The following MGRN1 variants were observed in gnomAD, a reference collection of about 807,000 sequenced individuals.
The protein encoded by MGRN1 is E3 ubiquitin-protein ligase MGRN1.
A neutral mutation model predicts 69.2 loss-of-function variants in MGRN1; 29 were observed. That is an observed-to-expected ratio of 0.42 (90% CI 0.31 to 0.57). The LOEUF is 0.57. Ranked by LOEUF, MGRN1 falls within the 20% of genes least tolerant of loss-of-function variation. MGRN1 has a pLI of 0.15. For synonymous variants in MGRN1, 470 were observed against 344.2 expected (o/e 1.37, Z -4.04); for missense variants, 998 against 796.2 (o/e 1.25, Z -3.05).
chr16:4,689,130 C>T lies in MGRN1; in HGVS notation c.*222C>T. ...TTTGTAACTGGTACAAGATGAAGGA[C>T]AGCAGCTTTCCATCCCTAGTTCAGA... is the stretch of plus-strand genomic sequence containing the variant. On this transcript the variant is annotated 3_prime_UTR_variant, in exon 17 of 17. Transcript: ENST00000262370. The T allele has an allele frequency of 1.7e-6, 1 of 584,110 alleles. No individual in the cohort carries two copies. Among genetic ancestry groups the T allele is most frequent in the Non-Finnish European group, 2.7e-6 (1 of 367,764 alleles). 36.2% of individuals were successfully genotyped at this position (584,110 alleles called of 1,614,324 possible).
At chr16:4,670,697 G>A (rs2078919574) in intron 8 of MGRN1, among the ~76,000 whole-genome samples, 1 of 152,206 alleles carries the variant, frequency 6.6e-6, no homozygotes, top group Non-Finnish European at 1.5e-5. Context: ...TATTTAAAAT[G>A]TAAATCACAA....
At chr16:4,660,153 A>C (rs989457847) in intron 5 of MGRN1, among the ~76,000 whole-genome samples, 6 of 152,240 alleles carry the variant, frequency 3.9e-5, no homozygotes, top group Non-Finnish European at 5.9e-5. Context: ...GGCCTTGCCC[A>C]GGAGCAGAGA....
Position 4,624,930 on chromosome 16 carries a change from C to T in MGRN1, c.-31C>T. 1 of 1,509,338 alleles carries T rather than the reference C, an allele frequency of 6.6e-7. No homozygotes were observed. Among genetic ancestry groups the T allele is most frequent in the South Asian group, 1.2e-5 (1 of 80,688 alleles). 93.5% of individuals were successfully genotyped at this position (1,509,338 alleles called of 1,614,324 possible). ...CGCTGTCGCCGCTCCCGTTCCGGCC[C>T]TGGCCCCTCTGCCCGGCAGCGCCGC... is the stretch of plus-strand genomic sequence containing the variant. On this transcript the variant is annotated 5_prime_UTR_variant, in exon 1 of 17. Coordinates refer to ENST00000262370, the MANE Select transcript of MGRN1 (RefSeq NM_015246.4).
chr16:4,638,085 C>T (rs2141840854), intron 1 of MGRN1, among the ~76,000 whole-genome samples: 1 of 152,332 alleles, frequency 6.6e-6, no homozygotes, highest in African/African-American at 2.4e-5. Flanking sequence ...AGTGTGTTCA[C>T]ACCTGCCGGA....
intron 5 of MGRN1, chr16:4,664,207 C>T (rs1264103619): frequency 1.1e-5 from 2 of 174,522 alleles, no homozygotes; most frequent in Non-Finnish European, 1.2e-5. Flanking sequence ...AAAAGGAAAG[C>T]AGCACCGATG....
intron 5 of MGRN1, among the ~76,000 whole-genome samples, chr16:4,663,838 C>T (rs969631852): frequency 6.6e-6 from 1 of 152,164 alleles, no homozygotes; most frequent in Non-Finnish European, 1.5e-5. Flanking sequence ...CCCTGGGGGC[C>T]GTGGGGAAGA....
chr16:4,657,738 C>CTT (rs1157518931), intron 5 of MGRN1, among the ~76,000 whole-genome samples: 1,520 of 77,062 alleles, frequency 0.02, 264 homozygotes, highest in African/African-American at 0.031. Context: ...TGCAGACATC[C>CTT]TTTTTTTTTT....
intron 7 of MGRN1, among the ~76,000 whole-genome samples, chr16:4,666,997 C>T (rs1447435473): frequency 6.6e-6 from 1 of 152,222 alleles, no homozygotes; most frequent in African/African-American, 2.4e-5. Flanking sequence ...GCCTTGGTGC[C>T]TCGGTGGCCC....
intron 5 of MGRN1, among the ~76,000 whole-genome samples, chr16:4,658,550 C>CA (rs2078605877): frequency 6.7e-6 from 1 of 148,318 alleles, no homozygotes; most frequent in South Asian, 2.1e-4. Context: ...AAAAAAAAAA[C>CA]AATGTAGACC....
intron 1 of MGRN1, among the ~76,000 whole-genome samples, chr16:4,629,155 TGTGTGTGTGTGTGTGTG>T (rs1897861135): frequency 2.7e-5 from 4 of 146,654 alleles, no homozygotes; most frequent in African/African-American, 5.0e-5. Flanking sequence ...TTCGTATGTG[TGTGTGTGTGTGTGTGTG>T]TGTGTGTGTG....
chr16:4,625,523 C>T (rs1405487357), intron 1 of MGRN1, among the ~76,000 whole-genome samples: 2 of 152,210 alleles, frequency 1.3e-5, no homozygotes, highest in Non-Finnish European at 2.9e-5. Flanking sequence ...AGGACGGAGG[C>T]TCTTGGTGTG....
At chr16:4,668,338 T>A in intron 8 of MGRN1, 26 bp downstream of exon 8, 1 of 1,612,332 alleles carries the variant, frequency 6.2e-7, no homozygotes, top group Non-Finnish European at 8.5e-7. Context: ...AAATATGACG[T>A]GCTTGAATTA....
At chr16:4,685,590 G>T (rs528860685) in intron 16 of MGRN1, among the ~76,000 whole-genome samples, 1 of 152,380 alleles carries the variant, frequency 6.6e-6, no homozygotes, top group East Asian at 1.9e-4. Flanking sequence ...CACGGCCTCA[G>T]TTCTGAGCCA....
At position 4,671,462 on chromosome 16, in the gene MGRN1, G is replaced by A. The variant is rs2078935592; in HGVS notation, c.795+3G>A. 3.1e-6 allele frequency: 5 copies of A among 1,613,880 alleles called. No homozygotes were observed. Among genetic ancestry groups the A allele is most frequent in the South Asian group, 1.1e-5 (1 of 91,078 alleles). ...ACAAGAACAACCAGGAGACCAAGGT[G>A]TGTATCTGGGTGAGGTTTCCCTCTG... On this transcript the variant is annotated splice_donor_region_variant and intron_variant, in intron 9 of 16. Transcript: ENST00000262370.
chr16:4,651,899 A>G (rs1253561648), intron 2 of MGRN1, 64 bp from the exon 3 acceptor site: 27 of 1,452,956 alleles, frequency 1.9e-5, no homozygotes, highest in Non-Finnish European at 2.5e-5. Context: ...CTGCACCCTG[A>G]CCCGTTTTCT....
chr16:4,658,264 G>A (rs532044565), intron 5 of MGRN1, among the ~76,000 whole-genome samples: 1 of 151,704 alleles, frequency 6.6e-6, no homozygotes, highest in Non-Finnish European at 1.5e-5. Context: ...GGCCGGGCGC[G>A]GTGGCTCATG....
chr16:4,655,478 T>C (rs1307083922), intron 4 of MGRN1, among the ~76,000 whole-genome samples: 1 of 147,964 alleles, frequency 6.8e-6, no homozygotes, highest in Non-Finnish European at 1.5e-5. Flanking sequence ...CAGGAACAGC[T>C]CCAGTGCCAC....
chr16:4,656,342 T>C (rs2078537467), intron 4 of MGRN1, among the ~76,000 whole-genome samples: 1 of 152,210 alleles, frequency 6.6e-6, no homozygotes, highest in Non-Finnish European at 1.5e-5. Flanking sequence ...GCGGGACCTG[T>C]GTGGTGGTTC....
chr16:4,673,876 G>A (rs1481533401), intron 10 of MGRN1, among the ~76,000 whole-genome samples: 1 of 152,272 alleles, frequency 6.6e-6, no homozygotes, highest in Non-Finnish European at 1.5e-5. Flanking sequence ...AGATCTTCAC[G>A]TCTGCCTCCA....
Sources: allele counts gnomAD v4.1 joint callset (sites outside exome capture counted in the v4.1 genomes callset), GRCh38; gene constraint gnomAD v4.1.1; transcripts MANE v1.5; gene names NCBI Gene and HGNC (gene_info 2026-07-23, HGNC 2026-07-21).